CDH3: variants seen among roughly 807,000 people sequenced by gnomAD.
CDH3 encodes the protein cadherin 3.
In CDH3, 54 loss-of-function variants were observed where a neutral mutation model predicts 82.0. The observed-to-expected ratio is 0.66, with a 90% CI of 0.53 to 0.83. CDH3 has a LOEUF of 0.83. Ranked by LOEUF, CDH3 falls within the 40% of genes least tolerant of loss-of-function variation. The pLI, the probability that CDH3 is intolerant of heterozygous loss-of-function variation, is 0.00. For missense variants in CDH3, 1,054 were observed against 1,084.6 expected, an observed-to-expected ratio of 0.97 and a Z score of 0.40; for synonymous variants, 446 against 437.9, an observed-to-expected ratio of 1.02 and a Z score of -0.23.
intron 2 of CDH3, among the ~76,000 whole-genome samples, chr16:68,660,023 C>CTACTTT (rs1161146261): frequency 6.6e-6 from 1 of 152,162 alleles, no homozygotes; most frequent in Non-Finnish European, 1.5e-5. Flanking sequence ...AGCCAGTCTT[C>CTACTTT]TACTTTTATC....
At chr16:68,663,288 G>C (rs528394376) in intron 2 of CDH3, among the ~76,000 whole-genome samples, 2 of 148,696 alleles carry the variant, frequency 1.3e-5, no homozygotes, top group African/African-American at 5.0e-5. Context: ...GCAGTGGCAC[G>C]ATCTCAGCTC....
At chr16:68,694,820 A>G (rs1175862764) in intron 13 of CDH3, among the ~76,000 whole-genome samples, 3 of 152,140 alleles carry the variant, frequency 2.0e-5, no homozygotes, top group Non-Finnish European at 4.4e-5. Context: ...TTTCTTAAGG[A>G]TCAGTACCAC....
Position 68,676,338 on chromosome 16 carries a change from C to T in CDH3, c.161-47C>T, listed in dbSNP as rs775594020. 2.8e-6 allele frequency: 4 copies of T among 1,416,444 alleles called. No individual in the cohort carries two copies. In the South Asian group the frequency reaches 4.6e-5, roughly 16 times the overall value. The allele number at this position is 1,416,444 out of a possible 1,614,324, so 87.7% of individuals were successfully genotyped here. Reference sequence around the variant, plus strand: ...AGTCTTGTTTTCCTGGGGCAACTTCCAGAATACTCCTGCCTTCCTAATGCT... The same window carrying T: ...AGTCTTGTTTTCCTGGGGCAACTTCTAGAATACTCCTGCCTTCCTAATGCT... On this transcript the variant is annotated intron_variant, in intron 2 of 15. Coordinates refer to ENST00000264012, the MANE Select transcript of CDH3 (RefSeq NM_001793.6).
intron 2 of CDH3, among the ~76,000 whole-genome samples, chr16:68,649,365 G>T (rs898833216): frequency 6.6e-6 from 1 of 152,098 alleles, no homozygotes; most frequent in Admixed American, 6.6e-5. Flanking sequence ...TTCAGCTCTG[G>T]GTGTAAAAAC....
chr16:68,706,426 G>A (rs1961964635), intron 1 of CDH3, among the ~76,000 whole-genome samples: 1 of 151,702 alleles, frequency 6.6e-6, no homozygotes, highest in African/African-American at 2.4e-5. Context: ...CCCCAGCACA[G>A]CATTCCATTG....
At chr16:68,733,570 C>T in the CDH3 span, among the ~76,000 whole-genome samples, 459 of 152,252 alleles carry the variant, frequency 3.0e-3, 2 homozygotes, top group Middle Eastern at 0.024. Context: ...TGGCGAAATC[C>T]CGTCTCTACT....
chr16:68,658,436 C>A (rs533862111), intron 2 of CDH3, among the ~76,000 whole-genome samples: 2 of 152,104 alleles, frequency 1.3e-5, no homozygotes, highest in Non-Finnish European at 2.9e-5. Context: ...CTTCCCTGTG[C>A]GTGCATGGGA....
intron 2 of CDH3, among the ~76,000 whole-genome samples, chr16:68,725,568 C>T (rs984004897): frequency 2.0e-5 from 3 of 151,886 alleles, no homozygotes; most frequent in Non-Finnish European, 2.9e-5. Context: ...CTCCTGACCT[C>T]CTGATCCACC....
At chr16:68,655,717 C>A (rs1308240613) in intron 2 of CDH3, among the ~76,000 whole-genome samples, 1 of 152,082 alleles carries the variant, frequency 6.6e-6, no homozygotes, top group African/African-American at 2.4e-5. Context: ...AAATAATTAG[C>A]CTGGCATGGT....
downstream of CDH3, among the ~76,000 whole-genome samples, chr16:68,729,277 C>A (rs1962259433): frequency 6.6e-6 from 1 of 152,064 alleles, no homozygotes; most frequent in Non-Finnish European, 1.5e-5. Context: ...TGCATTCCAG[C>A]CTGGGCGAAA....
intron 11 of CDH3, among the ~76,000 whole-genome samples, chr16:68,686,033 G>A (rs1961401528): frequency 1.3e-5 from 2 of 152,092 alleles, no homozygotes; most frequent in South Asian, 4.1e-4. Context: ...ATAAGAGTTA[G>A]GGCCGGGCAT....
Position 68,681,875 on chromosome 16 carries a change from C to T in CDH3, c.997-427C>T, listed in dbSNP as rs550987932. On this transcript the variant is annotated intron_variant, in intron 8 of 15. Coordinates refer to ENST00000264012, the MANE Select transcript of CDH3 (RefSeq NM_001793.6). The stretch of plus-strand genomic sequence containing the variant: ...AAATAAATAAATAAATTTTTTGTTC[C>T]GAGCAACTGATTTTCCAGTCTTTGT... 4.9e-4 allele frequency among the ~76,000 whole-genome samples: 74 copies of T among 152,198 alleles called. 1 individual carries two copies. Among genetic ancestry groups the T allele is most frequent in the African/African-American group, 1.4e-3 (58 of 41,524 alleles).
chr16:68,647,324 G>A (rs1960102548), intron 2 of CDH3, among the ~76,000 whole-genome samples: 1 of 140,978 alleles, frequency 7.1e-6, no homozygotes, highest in African/African-American at 2.7e-5. Flanking sequence ...CTTGAGTGTT[G>A]TCTGTACCTT....
intron 2 of CDH3, among the ~76,000 whole-genome samples, chr16:68,725,093 T>C (rs932565629): frequency 3.9e-5 from 6 of 152,046 alleles, no homozygotes; most frequent in African/African-American, 1.4e-4. Context: ...TTATCTATTG[T>C]TCTTGAGATG....
chr16:68,661,638 TGA>T, intron 2 of CDH3, among the ~76,000 whole-genome samples: 1 of 152,322 alleles, frequency 6.6e-6, no homozygotes, highest in African/African-American at 2.4e-5. Context: ...TGGGAGACAG[TGA>T]GAAGCAAATT....
chr16:68,723,386 G>T (rs1215025429), intron 2 of CDH3, among the ~76,000 whole-genome samples: 1 of 151,998 alleles, frequency 6.6e-6, no homozygotes, highest in Non-Finnish European at 1.5e-5. Flanking sequence ...TCATGATTCC[G>T]TAAACACCCC....
chr16:68,681,177 T>G, intron 8 of CDH3, 81 bp downstream of exon 8: 1 of 1,503,906 alleles, frequency 6.6e-7, no homozygotes, highest in Admixed American at 1.7e-5. Context: ...GGAACCAGTC[T>G]ATATTGCTTC....
At position 68,699,948 on chromosome 16, in the gene CDH3, C is replaced by A. The variant is rs921430188; in HGVS notation, c.*1548C>A. 4 of 152,218 alleles carry A rather than the reference C, an allele frequency of 2.6e-5. No individual in the cohort carries two copies. Among genetic ancestry groups the A allele is most frequent in the Admixed American group, 2.6e-4 (4 of 15,280 alleles). The allele number at this position is 152,218 out of a possible 1,614,324, so 9.4% of individuals were successfully genotyped here. On this transcript the variant is annotated 3_prime_UTR_variant, in exon 16 of 16. Coordinates refer to ENST00000264012, the MANE Select transcript of CDH3 (RefSeq NM_001793.6). Reference sequence around the variant, plus strand: ...TTATTCAGTACTTTTAAAGGCCAGACAGGACTTCGATTATTTCCTCTAAAT... The same window carrying A: ...TTATTCAGTACTTTTAAAGGCCAGAAAGGACTTCGATTATTTCCTCTAAAT...
At position 68,691,917 on chromosome 16, in the gene CDH3, G is replaced by T. The variant is rs1465021818; in HGVS notation, c.1993G>T (p.Ala665Ser). 2 of 1,612,380 alleles carry T rather than the reference G, an allele frequency of 1.2e-6. No homozygotes were observed. Among genetic ancestry groups the T allele is most frequent in the Non-Finnish European group, 1.7e-6 (2 of 1,179,334 alleles). The change falls in exon 13 of 16, where the codon GCT becomes TCT. Residue 665 changes from alanine (A) to serine (S), a missense_variant. By Grantham distance (99) the Ala-to-Ser change is moderately conservative. Coordinates refer to ENST00000264012, the MANE Select transcript of CDH3 (RefSeq NM_001793.6). Reference protein sequence around the residue: ...FILPVLGAVLALLFLLLVLLL... With the variant: ...FILPVLGAVLSLLFLLLVLLL... ...CCTCCCTGTGCTGGGGGCTGTCCTG[G>T]CTCTGCTGTGTGAGTACCAGGCCCC... is the stretch of plus-strand genomic sequence containing the variant.
Sources: allele counts gnomAD v4.1 joint callset (sites outside exome capture counted in the v4.1 genomes callset), GRCh38; gene constraint gnomAD v4.1.1; transcripts MANE v1.5; gene names NCBI Gene and HGNC (gene_info 2026-07-23, HGNC 2026-07-21).